The following ADCY3 variants were observed in gnomAD, a reference collection of about 807,000 sequenced individuals.
ADCY3 encodes adenylate cyclase type 3.
A neutral mutation model predicts 119.4 loss-of-function variants in ADCY3; 70 were observed. The ratio of observed to expected loss-of-function variants is 0.59; its 90% CI spans 0.48 to 0.72. ADCY3 has a LOEUF of 0.72. ADCY3 is among the 30% of genes least tolerant of loss of function. ADCY3 has a pLI of 0.00. For missense variants in ADCY3, 1,238 were observed against 1,541.6 expected (o/e 0.80, Z 3.30); for synonymous variants, 672 against 621.4 (o/e 1.08, Z -1.21).
Position 24,881,014 on chromosome 2 carries a change from CAA to C in ADCY3, c.676-8297_676-8296del, listed in dbSNP as rs35610206. On this transcript the variant is annotated intron_variant, in intron 2 of 21. Transcript: ENST00000679454. Reference sequence around the variant, plus strand: ...TGGGCAATAGAGTGAGACTCCACCTCAAAAAAAAAAAAAAAGTCTCCTTCCTT... The same window carrying C: ...TGGGCAATAGAGTGAGACTCCACCTCAAAAAAAAAAAAAGTCTCCTTCCTT... Among the ~76,000 whole-genome samples the C allele has an allele frequency of 3.7e-3, 497 of 135,324 alleles. 1 individual carries two copies. The highest frequency in any genetic ancestry group is 9.5e-3 in the African/African-American group (355 of 37,358). 88.8% of individuals were successfully genotyped at this position (135,324 alleles called of 152,430 possible).
At chr2:24,826,446 G>A (rs1668632599) in intron 15 of ADCY3, 2 of 255,554 alleles carry the variant, frequency 7.8e-6, no homozygotes, top group East Asian at 8.9e-5. Context: ...GCAGGAATTT[G>A]GAGAAGCAAG....
At position 24,903,024 on chromosome 2, in the gene ADCY3, A is replaced by G. The variant is rs1679082427; in HGVS notation, c.675+15289T>C. ...TAGCTTGGTGTGGTGGCGGGCGCCTATAGTCCCAGCCACTCAGGAGGCTGA... is the reference window on the plus strand; with the variant it reads ...TAGCTTGGTGTGGTGGCGGGCGCCTGTAGTCCCAGCCACTCAGGAGGCTGA... On this transcript the variant is annotated intron_variant, in intron 2 of 21. Coordinates refer to ENST00000679454, the MANE Select transcript of ADCY3 (RefSeq NM_004036.5). Among the ~76,000 whole-genome samples, 3 of 151,770 alleles carry G rather than the reference A, an allele frequency of 2.0e-5. No individual in the cohort carries two copies. In the South Asian group the frequency reaches 6.3e-4, roughly 32 times the overall value.
chr2:24,838,415 GGGGT>G (rs777391041), intron 8 of ADCY3, 26 bp downstream of exon 8: 72 of 1,517,002 alleles, frequency 4.7e-5, no homozygotes, highest in Non-Finnish European at 5.8e-5. Context: ...TGGGGTGGGT[GGGGT>G]GGGTGGGGTG....
At chr2:24,894,372 G>A (rs1329648360) in intron 2 of ADCY3, among the ~76,000 whole-genome samples, 1 of 152,180 alleles carries the variant, frequency 6.6e-6, no homozygotes, top group African/African-American at 2.4e-5. Context: ...CTACTTGGGA[G>A]GCTGAGGCAG....
chr2:24,866,564 CAAAAAA>C (rs71397449), intron 3 of ADCY3, among the ~76,000 whole-genome samples: 8 of 46,548 alleles, frequency 1.7e-4, no homozygotes, highest in Non-Finnish European at 2.2e-4. Flanking sequence ...GACCCTGTCT[CAAAAAA>C]AAAAAAAAAA....
Position 24,872,519 on chromosome 2 carries a change from C to T in ADCY3, c.825+51G>A, listed in dbSNP as rs760760900. The T allele has an allele frequency of 1.3e-6, 2 of 1,591,028 alleles. No individual in the cohort carries two copies. The highest frequency in any genetic ancestry group is 1.3e-5 in the African/African-American group (1 of 74,298). On this transcript the variant is annotated intron_variant, in intron 3 of 21. Coordinates refer to ENST00000679454, the MANE Select transcript of ADCY3 (RefSeq NM_004036.5). This position sits in a 1 kb window ranked among gnomAD's most constrained non-coding sequence, Gnocchi z 4.4. ...TCTGGTTCCTCTCCCTCTGACAAGG[C>T]CACAGTCCCTGAGCCCAAGCTCCAG... is the stretch of plus-strand genomic sequence containing the variant.
At chr2:24,856,465 A>T (rs1673013288) in intron 3 of ADCY3, among the ~76,000 whole-genome samples, 1 of 152,124 alleles carries the variant, frequency 6.6e-6, no homozygotes, top group Non-Finnish European at 1.5e-5. Flanking sequence ...GCCAATTTGG[A>T]AGCCAAAAAG....
At chr2:24,874,400 C>G (rs1402533547) in intron 2 of ADCY3, among the ~76,000 whole-genome samples, 1 of 152,168 alleles carries the variant, frequency 6.6e-6, no homozygotes, top group Non-Finnish European at 1.5e-5. Flanking sequence ...GTGGTCAGTA[C>G]CATATGTCCT....
intron 2 of ADCY3, among the ~76,000 whole-genome samples, chr2:24,912,086 T>C (rs1191348757): frequency 3.3e-5 from 5 of 152,204 alleles, no homozygotes; most frequent in Middle Eastern, 3.2e-3. Context: ...TCCCTGCTCA[T>C]GGGCCTCGAC....
intron 2 of ADCY3, among the ~76,000 whole-genome samples, chr2:24,889,431 C>G (rs768602423): frequency 6.6e-6 from 1 of 152,206 alleles, no homozygotes; most frequent in Non-Finnish European, 1.5e-5. Flanking sequence ...CACAAATATG[C>G]AAATGACACA....
At chr2:24,910,926 TGAGCCACC>T (rs1208038237) in intron 2 of ADCY3, among the ~76,000 whole-genome samples, 1 of 152,176 alleles carries the variant, frequency 6.6e-6, no homozygotes, top group East Asian at 1.9e-4. Flanking sequence ...ATTACAGGTG[TGAGCCACC>T]GCGCCTGGCC....
chr2:24,841,394 G>A lies in ADCY3; in HGVS notation c.1069-8C>T, dbSNP rs760335228. On this transcript the variant is annotated splice_polypyrimidine_tract_variant and splice_region_variant and intron_variant, in intron 5 of 21. Coordinates refer to ENST00000679454, the MANE Select transcript of ADCY3 (RefSeq NM_004036.5). The surrounding 1 kb of genome is among the most constrained non-coding windows in gnomAD (Gnocchi z 5.8). ...CCGCAGCTGGTGGTATTTCTGAAAG[G>A]GGAGGGCCTGGCCTGTGCTCCAGCC... The A allele has an allele frequency of 4.6e-5, 74 of 1,610,540 alleles. No individual in the cohort carries two copies. In the Middle Eastern group the frequency reaches 5.0e-4, roughly 11 times the overall value.
intron 2 of ADCY3, among the ~76,000 whole-genome samples, chr2:24,912,854 T>C (rs1663955096): frequency 1.3e-5 from 2 of 152,130 alleles, no homozygotes; most frequent in Non-Finnish European, 2.9e-5. Flanking sequence ...TATACACAGA[T>C]CGGGGTCAGA....
Position 24,902,389 on chromosome 2 carries a change from A to G in ADCY3, c.675+15924T>C, listed in dbSNP as rs139105503. ...AGCCACCTTGCCCAGCCTTAGGTGT[A>G]TATTTTGATGAATATGGACAAATAT... is the stretch of plus-strand genomic sequence containing the variant. On this transcript the variant is annotated intron_variant, in intron 2 of 21. Transcript: ENST00000679454. Among the ~76,000 whole-genome samples the G allele has an allele frequency of 5.0e-3, 762 of 152,246 alleles. 7 individuals are homozygous for G. Among genetic ancestry groups the G allele is most frequent in the African/African-American group, 0.018 (729 of 41,532 alleles).
At chr2:24,900,355 A>T (rs558837020) in intron 2 of ADCY3, among the ~76,000 whole-genome samples, 1,891 of 142,218 alleles carry the variant, frequency 0.013, 22 homozygotes, top group Non-Finnish European at 0.017. Flanking sequence ...AAAAAAAAAA[A>T]AAATAAATAA....
intron 3 of ADCY3, among the ~76,000 whole-genome samples, chr2:24,844,473 C>G (rs534566448): frequency 6.6e-6 from 1 of 152,274 alleles, no homozygotes; most frequent in African/African-American, 2.4e-5. Flanking sequence ...AGTGCTCTGA[C>G]TCTGCTGAGT....
chr2:24,864,780 G>A (rs572815455), intron 3 of ADCY3, among the ~76,000 whole-genome samples: 2 of 152,332 alleles, frequency 1.3e-5, no homozygotes, highest in South Asian at 2.1e-4. Flanking sequence ...GAAACGGACA[G>A]TGGTGATGGC....
chr2:24,820,056 C>A lies in ADCY3; in HGVS notation c.3311G>T (p.Gly1104Val). The change falls in exon 22 of 22, where the codon GGC becomes GTC. Residue 1104 changes from glycine (G) to valine (V), a missense_variant. By Grantham distance (109) the Gly-to-Val change is moderately radical. This residue lies in a region of ADCY3 where 86 missense variants were observed against 70.7 expected (regional missense o/e 1.22). Coordinates refer to ENST00000679454, the MANE Select transcript of ADCY3 (RefSeq NM_004036.5). ...CCCCTTCCCCTTCACAAAGATGGGGCCTCGCCTCACAAAGCGGAAGCCGTA... is the reference window on the plus strand; with the variant it reads ...CCCCTTCCCCTTCACAAAGATGGGGACTCGCCTCACAAAGCGGAAGCCGTA... ...REYGFRFVRR[G>V]PIFVKGKGEL... is the part of the protein sequence containing the mutation. The A allele has an allele frequency of 1.3e-6, 2 of 1,597,746 alleles. No homozygotes were observed. The highest frequency in any genetic ancestry group is 1.7e-6 in the Non-Finnish European group (2 of 1,172,368).
At position 24,834,719 on chromosome 2, in the gene ADCY3, G is replaced by C; in HGVS notation, c.1806-73C>G. On this transcript the variant is annotated intron_variant, in intron 10 of 21. Transcript: ENST00000679454. The surrounding 1 kb of genome is among the most constrained non-coding windows in gnomAD (Gnocchi z 4.2). Reference sequence around the variant, plus strand: ...GGCCTAGCAGGGGGGCCGTATTTGGGATGCTCAGTTTCCTGAATCCCTTGT... The same window carrying C: ...GGCCTAGCAGGGGGGCCGTATTTGGCATGCTCAGTTTCCTGAATCCCTTGT... 6.2e-7 allele frequency: 1 copy of C among 1,602,452 alleles called. No individual in the cohort carries two copies. The highest frequency in any genetic ancestry group is 1.1e-5 in the South Asian group (1 of 90,730).
Sources: allele counts gnomAD v4.1 joint callset (sites outside exome capture counted in the v4.1 genomes callset), GRCh38; gene constraint gnomAD v4.1.1; regional missense constraint gnomAD v4.1.1; non-coding constraint Gnocchi (gnomAD v3.1); transcripts MANE v1.5; gene names NCBI Gene and HGNC (gene_info 2026-07-23, HGNC 2026-07-21).